Variants in NEGR1 observed in about 807,000 individuals in gnomAD.
NEGR1 encodes the protein IgLON family member 4.
A neutral mutation model predicts 40.9 loss-of-function variants in NEGR1; 10 were observed. That is an observed-to-expected ratio of 0.24 (90% CI 0.15 to 0.42). The LOEUF (loss-of-function observed/expected upper bound fraction) is 0.42, where lower values mean the gene tolerates loss of function less well. Among genes scored for constraint, NEGR1 ranks in the 10% least tolerant of loss-of-function variants. The pLI is 1.00. For missense variants in NEGR1, 352 were observed against 438.9 expected (o/e 0.80, Z 1.77); for synonymous variants, 185 against 166.8 (o/e 1.11, Z -0.84).
intron 6 of NEGR1, among the ~76,000 whole-genome samples, chr1:71,434,849 TG>T (rs1168750480): frequency 6.6e-6 from 1 of 152,126 alleles, no homozygotes; most frequent in Non-Finnish European, 1.5e-5. Flanking sequence ...CCCAGCACTT[TG>T]GGAGGCCAAG....
intron 4 of NEGR1, among the ~76,000 whole-genome samples, chr1:71,662,628 T>C (rs1362962176): frequency 3.3e-5 from 5 of 151,900 alleles, no homozygotes; most frequent in African/African-American, 1.2e-4. Context: ...GTACTTTGCA[T>C]ACAGAAAATT....
intron 3 of NEGR1, among the ~76,000 whole-genome samples, chr1:71,762,366 T>C (rs1655977112): frequency 1.3e-5 from 2 of 151,654 alleles, no homozygotes; most frequent in Admixed American, 1.3e-4. Context: ...TCAATCAAAA[T>C]AGAGAGGTTG....
At chr1:71,985,117 A>T (rs1004158293) in intron 1 of NEGR1, among the ~76,000 whole-genome samples, 22 of 152,294 alleles carry the variant, frequency 1.4e-4, no homozygotes, top group African/African-American at 4.6e-4. Flanking sequence ...CTTATCCTCT[A>T]CATCACACTA....
intron 1 of NEGR1, among the ~76,000 whole-genome samples, chr1:71,982,800 C>G (rs1646364874): frequency 6.6e-6 from 1 of 152,018 alleles, no homozygotes; most frequent in Non-Finnish European, 1.5e-5. Flanking sequence ...AAGATATCAA[C>G]AAGTACAAAT....
intron 4 of NEGR1, among the ~76,000 whole-genome samples, chr1:71,647,294 A>AT (rs1044197707): frequency 1.3e-5 from 2 of 151,872 alleles, no homozygotes; most frequent in Admixed American, 6.6e-5. Context: ...GAAAGTAATC[A>AT]TTTTTTTCCA....
rs536074705 is a variant in NEGR1 at position 71,398,669 on chromosome 1, C to T, written c.*8777G>A. The T allele has an allele frequency of 3.3e-5, 5 of 152,252 alleles. No individual in the cohort carries two copies. The highest frequency in any genetic ancestry group is 1.2e-4 in the African/African-American group (5 of 41,528). 9.4% of individuals were successfully genotyped at this position (152,252 alleles called of 1,614,324 possible). ...GAGATAGTGCTGAAATGAGTTAAGA[C>T]TTTGAGGGACTGTTGGGAAAGCATG... On this transcript the variant is annotated 3_prime_UTR_variant, in exon 7 of 7. Transcript: ENST00000357731.
intron 6 of NEGR1, among the ~76,000 whole-genome samples, chr1:71,495,364 C>T (rs1406914060): frequency 6.6e-6 from 1 of 151,814 alleles, no homozygotes; most frequent in Admixed American, 6.6e-5. Context: ...GTCATCTCAG[C>T]TACTTGGGAG....
intron 1 of NEGR1, among the ~76,000 whole-genome samples, chr1:71,947,500 A>G (rs1361612828): frequency 6.6e-6 from 1 of 152,228 alleles, no homozygotes; most frequent in Non-Finnish European, 1.5e-5. Context: ...CTAATGCTTT[A>G]TCAGTTGATG....
intron 1 of NEGR1, among the ~76,000 whole-genome samples, chr1:72,119,701 G>T (rs1370021087): frequency 1.3e-5 from 2 of 151,934 alleles, no homozygotes; most frequent in Non-Finnish European, 2.9e-5. Flanking sequence ...AGTTGCCACA[G>T]CTGGCAGGGG....
At chr1:71,572,115 T>C (rs1310143449) in intron 6 of NEGR1, among the ~76,000 whole-genome samples, 2 of 152,174 alleles carry the variant, frequency 1.3e-5, no homozygotes, top group Admixed American at 1.3e-4. Context: ...AAACGGGCTT[T>C]ATTTAGCCCT....
intron 1 of NEGR1, among the ~76,000 whole-genome samples, chr1:71,937,180 A>G (rs1645913853): frequency 6.6e-6 from 1 of 152,212 alleles, no homozygotes; most frequent in Non-Finnish European, 1.5e-5. Flanking sequence ...ACAGAAACCA[A>G]AACGGAAGTC....
intron 6 of NEGR1, among the ~76,000 whole-genome samples, chr1:71,490,781 A>C (rs1372646128): frequency 6.6e-6 from 1 of 152,050 alleles, no homozygotes; most frequent in Non-Finnish European, 1.5e-5. Context: ...GTAACTGCAG[A>C]AATCAACTGG....
chr1:71,564,217 A>G (rs1372991413), intron 6 of NEGR1, among the ~76,000 whole-genome samples: 1 of 152,136 alleles, frequency 6.6e-6, no homozygotes, highest in South Asian at 2.1e-4. Flanking sequence ...TTTGGGAAGT[A>G]CTGATCTAGG....
At chr1:71,502,176 C>T (rs958570977) in intron 6 of NEGR1, among the ~76,000 whole-genome samples, 4 of 151,700 alleles carry the variant, frequency 2.6e-5, no homozygotes, top group African/African-American at 9.7e-5. Context: ...CAGAAGGTCA[C>T]GAAAAGGGAA....
intron 4 of NEGR1, among the ~76,000 whole-genome samples, chr1:71,621,348 G>C (rs767400127): frequency 2.0e-5 from 3 of 151,804 alleles, no homozygotes; most frequent in African/African-American, 4.8e-5. Context: ...AATGTGAAAA[G>C]TGTATGTAAC....
At chr1:71,549,925 G>A (rs762347815) in intron 6 of NEGR1, among the ~76,000 whole-genome samples, 30 of 151,658 alleles carry the variant, frequency 2.0e-4, no homozygotes, top group Non-Finnish European at 4.4e-4. Flanking sequence ...TCTATTGAAT[G>A]CATGTCTAAT....
At chr1:72,077,138 T>A (rs1215166672) in intron 1 of NEGR1, among the ~76,000 whole-genome samples, 5 of 151,840 alleles carry the variant, frequency 3.3e-5, no homozygotes, top group African/African-American at 1.2e-4. Flanking sequence ...TTGTGATCCA[T>A]CCGCCTCGGC....
At chr1:72,130,097 C>T (rs75003880) in intron 1 of NEGR1, among the ~76,000 whole-genome samples, 157 of 152,226 alleles carry the variant, frequency 1.0e-3, no homozygotes, top group African/African-American at 3.5e-3. Flanking sequence ...AGTCAAATTC[C>T]CCTCCTTACT....
At chr1:72,217,190 G>A (rs886353685) in intron 1 of NEGR1, among the ~76,000 whole-genome samples, 1 of 151,610 alleles carries the variant, frequency 6.6e-6, no homozygotes, top group Non-Finnish European at 1.5e-5. Flanking sequence ...GTAAGCGTAT[G>A]GCAAAAATTA....
Sources: allele counts gnomAD v4.1 joint callset (sites outside exome capture counted in the v4.1 genomes callset), GRCh38; gene constraint gnomAD v4.1.1; transcripts MANE v1.5; gene names NCBI Gene and HGNC (gene_info 2026-07-23, HGNC 2026-07-21).